KCNMB2: variants seen among roughly 807,000 people sequenced by gnomAD.
The protein encoded by KCNMB2 is potassium calcium-activated channel subfamily M regulatory beta subunit 2.
KCNMB2 carries 9 observed loss-of-function variants against 24.5 expected under a neutral mutation model. That is an observed-to-expected ratio of 0.37 (90% CI 0.22 to 0.64). KCNMB2 has a LOEUF of 0.64. Ranked by LOEUF, KCNMB2 falls within the 30% of genes least tolerant of loss-of-function variation. The pLI is 0.63. For synonymous variants in KCNMB2, 109 were observed against 104.4 expected, an observed-to-expected ratio of 1.04 and a Z score of -0.27; for missense variants, 226 against 284.3, an observed-to-expected ratio of 0.79 and a Z score of 1.47.
intron 2 of KCNMB2, among the ~76,000 whole-genome samples, chr3:178,824,300 G>C (rs1053041626): frequency 2.0e-5 from 3 of 152,198 alleles, no homozygotes; most frequent in African/African-American, 7.2e-5. Context: ...TCTGATGTCC[G>C]TGTCATTGAG....
chr3:178,683,051 A>G (rs891569030), intron 1 of KCNMB2, among the ~76,000 whole-genome samples: 4 of 152,144 alleles, frequency 2.6e-5, no homozygotes, highest in Non-Finnish European at 5.9e-5. Flanking sequence ...CATTCATTGC[A>G]ACACTATTCA....
At position 178,716,441 on chromosome 3, in the gene KCNMB2, ATTTT is replaced by A. The variant is rs35949431; in HGVS notation, c.-67-90885_-67-90882del. 8.8e-3 allele frequency among the ~76,000 whole-genome samples: 1,132 copies of A among 128,668 alleles called. 17 individuals carry two copies. Among genetic ancestry groups the A allele is most frequent in the African/African-American group, 0.029 (1,035 of 35,278 alleles). 84.4% of individuals were successfully genotyped at this position (128,668 alleles called of 152,430 possible). ...AGGTGGAGCCAGAACTAAAACCTGC[ATTTT>A]TTTTTTTTTTTTTTTTGAGATGGAA... On this transcript the variant is annotated intron_variant, in intron 1 of 4. Coordinates refer to ENST00000452583, the MANE Select transcript of KCNMB2 (RefSeq NM_181361.3).
chr3:178,818,608 A>T (rs1714500072), intron 2 of KCNMB2, among the ~76,000 whole-genome samples: 1 of 152,014 alleles, frequency 6.6e-6, no homozygotes, highest in Non-Finnish European at 1.5e-5. Context: ...AATCTCCTCC[A>T]TCATTTCTCT....
intron 2 of KCNMB2, among the ~76,000 whole-genome samples, chr3:178,819,872 G>T (rs1714557931): frequency 1.3e-5 from 2 of 152,002 alleles, no homozygotes; most frequent in Admixed American, 1.3e-4. Flanking sequence ...TGTCATATTT[G>T]TTAGAAGGAT....
intron 1 of KCNMB2, among the ~76,000 whole-genome samples, chr3:178,663,691 C>A (rs1720616149): frequency 6.6e-6 from 1 of 152,082 alleles, no homozygotes; most frequent in Admixed American, 6.6e-5. Context: ...CAAAATGATA[C>A]CAATGCATTA....
chr3:178,655,872 G>A (rs1720323883), intron 1 of KCNMB2, among the ~76,000 whole-genome samples: 2 of 152,226 alleles, frequency 1.3e-5, no homozygotes, highest in South Asian at 4.2e-4. Context: ...CCTCTCATCA[G>A]AATTTACTTT....
At chr3:178,550,393 A>G (rs1325092869) in intron 1 of KCNMB2, among the ~76,000 whole-genome samples, 1 of 141,850 alleles carries the variant, frequency 7.0e-6, no homozygotes, top group Non-Finnish European at 1.5e-5. Context: ...GGGAGGCAGA[A>G]CTTGCAGTGA....
intron 1 of KCNMB2, among the ~76,000 whole-genome samples, chr3:178,668,443 C>G (rs1313279794): frequency 2.0e-5 from 3 of 152,010 alleles, no homozygotes; most frequent in Non-Finnish European, 2.9e-5. Context: ...CCAAGCTGTA[C>G]ACAATGGAGA....
At chr3:178,760,046 C>A (rs948615883) in intron 1 of KCNMB2, among the ~76,000 whole-genome samples, 4 of 14,266 alleles carry the variant, frequency 2.8e-4, no homozygotes, top group Admixed American at 8.0e-4. Context: ...ATATATATAT[C>A]CAAGAGGATA....
intron 1 of KCNMB2, among the ~76,000 whole-genome samples, chr3:178,739,737 G>C (rs550194164): frequency 6.6e-6 from 1 of 152,250 alleles, no homozygotes; most frequent in South Asian, 2.1e-4. Flanking sequence ...ACGCTTACTG[G>C]GGCAGGCAGG....
intron 1 of KCNMB2, among the ~76,000 whole-genome samples, chr3:178,698,518 G>A (rs1197740283): frequency 1.3e-5 from 2 of 152,086 alleles, no homozygotes; most frequent in African/African-American, 2.4e-5. Flanking sequence ...CTCCTGCATT[G>A]TTTTACCATA....
chr3:178,617,429 G>T (rs1343050382), intron 1 of KCNMB2, among the ~76,000 whole-genome samples: 1 of 151,852 alleles, frequency 6.6e-6, no homozygotes, highest in Admixed American at 6.6e-5. Flanking sequence ...GTGGTGGCAG[G>T]CACCTGTAGT....
At chr3:178,829,148 T>C (rs371099228) in intron 4 of KCNMB2, among the ~76,000 whole-genome samples, 35 of 152,298 alleles carry the variant, frequency 2.3e-4, no homozygotes, top group African/African-American at 6.7e-4. Context: ...GCCATTACAA[T>C]TTTAAGTTAA....
chr3:178,669,361 CA>C (rs1189618118), intron 1 of KCNMB2, among the ~76,000 whole-genome samples: 1 of 151,278 alleles, frequency 6.6e-6, no homozygotes. Context: ...AATTAACCTT[CA>C]AAAAAAAGAG....
chr3:178,842,318 C>T (rs1206823388), intron 4 of KCNMB2, among the ~76,000 whole-genome samples: 1 of 152,102 alleles, frequency 6.6e-6, no homozygotes, highest in Non-Finnish European at 1.5e-5. Context: ...CCATACCTAG[C>T]TATGGCAAAA....
intron 1 of KCNMB2, among the ~76,000 whole-genome samples, chr3:178,670,109 C>T (rs1189790630): frequency 6.6e-6 from 1 of 152,084 alleles, no homozygotes; most frequent in East Asian, 1.9e-4. Context: ...CTTCTATTAC[C>T]ACTTATTGAG....
At chr3:178,709,264 G>A (rs147666407) in intron 1 of KCNMB2, among the ~76,000 whole-genome samples, 6 of 152,216 alleles carry the variant, frequency 3.9e-5, no homozygotes, top group Non-Finnish European at 7.4e-5. Flanking sequence ...GGCTGTGAAC[G>A]CGAAACAGAA....
chr3:178,541,759 A>G (rs899565574), intron 1 of KCNMB2, among the ~76,000 whole-genome samples: 1 of 152,178 alleles, frequency 6.6e-6, no homozygotes, highest in Non-Finnish European at 1.5e-5. Context: ...ATGTTGTTAG[A>G]TATGAGTTCT....
In KCNMB2 at chr3:178,641,447, A is replaced by AT. The variant is rs566284300; in HGVS notation, c.-68+104744dup. 3.1e-4 allele frequency among the ~76,000 whole-genome samples: 47 copies of AT among 151,970 alleles called. No individual in the cohort carries two copies. The East Asian group carries it at 7.9e-3, about 26-fold the overall frequency. On this transcript the variant is annotated intron_variant, in intron 1 of 4. Transcript: ENST00000452583. Reference sequence around the variant, plus strand: ...CACTGGTGCAATTTTATGTGATACTATTTTTTTTAAATTTCAAATCCATTT... The same window carrying AT: ...CACTGGTGCAATTTTATGTGATACTATTTTTTTTTAAATTTCAAATCCATTT...
Sources: allele counts gnomAD v4.1 joint callset (sites outside exome capture counted in the v4.1 genomes callset), GRCh38; gene constraint gnomAD v4.1.1; transcripts MANE v1.5; gene names NCBI Gene and HGNC (gene_info 2026-07-23, HGNC 2026-07-21).